ZNF273: variants seen among roughly 807,000 people sequenced by gnomAD.
ZNF273 encodes the protein zinc finger protein 273, also known as zinc finger protein 9.
Under a neutral mutation model 14.9 loss-of-function variants are expected in ZNF273, and 11 were observed. That is an observed-to-expected ratio of 0.74 (90% CI 0.46 to 1.22). The LOEUF is 1.22. ZNF273 is among the 50% of genes most tolerant of loss of function. ZNF273 has a pLI of 0.00. For synonymous variants in ZNF273, 199 were observed against 223.9 expected (o/e 0.89, Z 0.99); for missense variants, 577 against 660.6 (o/e 0.87, Z 1.39).
chr7:64,912,835 T>TTG (rs1793655143), intron 1 of ZNF273, among the ~76,000 whole-genome samples: 1 of 101,402 alleles, frequency 9.9e-6, no homozygotes, highest in Non-Finnish European at 2.2e-5. Context: ...AGTTTTTTTT[T>TTG]TTTTTTTTTT....
downstream of ZNF273, among the ~76,000 whole-genome samples, chr7:64,882,176 C>T (rs542411495): frequency 2.0e-5 from 3 of 152,290 alleles, no homozygotes; most frequent in South Asian, 2.1e-4. Flanking sequence ...ATCCATCACC[C>T]GGAGACCCCT....
At chr7:64,909,526 G>A (rs1188762014) in intron 1 of ZNF273, among the ~76,000 whole-genome samples, 2 of 152,126 alleles carry the variant, frequency 1.3e-5, no homozygotes, top group Non-Finnish European at 2.9e-5. Flanking sequence ...ACCGCGCCCA[G>A]CCATAATGTT....
At chr7:64,900,030 GA>G (rs1792596726), upstream of ZNF273, among the ~76,000 whole-genome samples, 2 of 152,192 alleles carry the variant, frequency 1.3e-5, no homozygotes, top group Admixed American at 6.5e-5. Flanking sequence ...AAAGTGCTGG[GA>G]TGAGCCACCA....
downstream of ZNF273, among the ~76,000 whole-genome samples, chr7:64,884,500 T>C (rs13223080): frequency 6.6e-6 from 1 of 151,910 alleles, no homozygotes; most frequent in Non-Finnish European, 1.5e-5. Context: ...CAGTTCCAGG[T>C]GTGAGACCTC....
chr7:64,935,690 T>G (rs1795053938), downstream of ZNF273, among the ~76,000 whole-genome samples: 1 of 152,080 alleles, frequency 6.6e-6, no homozygotes, highest in Non-Finnish European at 1.5e-5. Context: ...GCCCAGCTAA[T>G]TTTTACATTT....
chr7:64,928,796 G>A lies in ZNF273; in HGVS notation c.1468G>A (p.Glu490Lys), dbSNP rs747886666. The stretch of plus-strand genomic sequence containing the variant: ...TGGAGAGAAACCTTACAAATGCAAT[G>A]AATGTGGTAAAGCCTTTAACTGGTC... ...HTGEKPYKCN[E>K]CGKAFNWSST... is the part of the protein sequence containing the mutation. Residue 490 changes from glutamate (E) to lysine (K), a missense_variant, in exon 4 of 4, where the codon GAA becomes AAA. By Grantham distance (56) the Glu-to-Lys change is moderately conservative. This residue lies in a region of ZNF273 where 411 missense variants were observed against 440.4 expected (regional missense o/e 0.93). Coordinates refer to ENST00000476120, the MANE Select transcript of ZNF273 (RefSeq NM_021148.3). 6 of 1,613,470 alleles carry A rather than the reference G, an allele frequency of 3.7e-6. No homozygotes were observed. The highest frequency in any genetic ancestry group is 4.2e-6 in the Non-Finnish European group (5 of 1,179,894).
chr7:64,922,432 G>A lies in ZNF273; in HGVS notation c.325+4140G>A, dbSNP rs1794538469. Among the ~76,000 whole-genome samples the A allele has an allele frequency of 2.0e-5, 3 of 151,786 alleles. No homozygotes were observed. The South Asian group carries it at 6.2e-4, about 32-fold the overall frequency. ...CAACCTCTGCCTCCCAGGTTCAAGTGATTCTCCTTCCTCAGCCTCCTGAGT... is the reference window on the plus strand; with the variant it reads ...CAACCTCTGCCTCCCAGGTTCAAGTAATTCTCCTTCCTCAGCCTCCTGAGT... On this transcript the variant is annotated intron_variant, in intron 3 of 3. Coordinates refer to ENST00000476120, the MANE Select transcript of ZNF273 (RefSeq NM_021148.3).
rs1562959220 is a variant in ZNF273 at position 64,912,846 on chromosome 7, T to TTTTTTTTTTG, written c.103-4735_103-4734insTTTTTTTTTG. ...TTTTAGTTTTTTTTTTTTTTTTTTT[T>TTTTTTTTTTG]GAGATTGAGTTTCGCTCTGTCATCC... On this transcript the variant is annotated intron_variant, in intron 1 of 3. Coordinates refer to ENST00000476120, the MANE Select transcript of ZNF273 (RefSeq NM_021148.3). 1.4e-3 allele frequency among the ~76,000 whole-genome samples: 141 copies of TTTTTTTTTTG among 98,264 alleles called. 21 individuals carry two copies. Among genetic ancestry groups the TTTTTTTTTTG allele is most frequent in the Middle Eastern group, 6.3e-3 (1 of 158 alleles). The allele number at this position is 98,264 out of a possible 152,430, so 64.5% of individuals were successfully genotyped here. A position where few individuals can be genotyped will look rare whatever the true frequency, so the allele number is the denominator to read the frequency against.
At chr7:64,917,302 C>T (rs906983060) in intron 1 of ZNF273, among the ~76,000 whole-genome samples, 23 of 152,160 alleles carry the variant, frequency 1.5e-4, no homozygotes, top group African/African-American at 5.5e-4. Flanking sequence ...AAATATAGCA[C>T]TCACAAATGT....
downstream of ZNF273, among the ~76,000 whole-genome samples, chr7:64,891,047 GCCT>G (rs1455189759): frequency 6.6e-6 from 1 of 152,220 alleles, no homozygotes; most frequent in African/African-American, 2.4e-5. Flanking sequence ...TCAAAATAGA[GCCT>G]CCTCTTTCTG....
rs180950616 is a variant in ZNF273, at chr7:64,885,986, G to C, written n.274-2587G>C. ...ACCACTGAGCTCAGAAAAGACTGCA[G>C]GGGCCTTGGGCAGAAGCAGGGAGAC... On this transcript the variant is annotated intron_variant and non_coding_transcript_variant, in intron 1 of 1. Coordinates refer to the ZNF273 transcript ENST00000471926. 2.0e-5 allele frequency among the ~76,000 whole-genome samples: 3 copies of C among 150,432 alleles called. No individual in the cohort carries two copies. In the East Asian group the frequency reaches 5.8e-4, roughly 29 times the overall value.
intron 1 of ZNF273, among the ~76,000 whole-genome samples, chr7:64,904,013 T>C (rs1792915158): frequency 1.3e-5 from 2 of 152,248 alleles, no homozygotes; most frequent in African/African-American, 4.8e-5. Flanking sequence ...CAGAGGTTAA[T>C]TGGCAGTTTA....
Position 64,928,924 on chromosome 7 carries a change from T to G in ZNF273, c.1596T>G (p.His532Gln). ...ACCGGTCCTCAAACCTTACTCGACA[T>G]AAGAAAATTCATACTGGAGAGAAAC... ...AFNRSSNLTRHKKIHTGEKPY... is the reference protein window; with the variant it reads ...AFNRSSNLTRQKKIHTGEKPY... Residue 532 changes from histidine (H) to glutamine (Q), a missense_variant, in exon 4 of 4, where the codon CAT becomes CAG. His to Gln is a conservative substitution (Grantham distance 24). This residue lies in a region of ZNF273 where 411 missense variants were observed against 440.4 expected (regional missense o/e 0.93). Coordinates refer to ENST00000476120, the MANE Select transcript of ZNF273 (RefSeq NM_021148.3). The G allele has an allele frequency of 6.2e-7, 1 of 1,613,794 alleles. No homozygotes were observed. The highest frequency in any genetic ancestry group is 1.1e-5 in the South Asian group (1 of 91,058).
chr7:64,914,144 A>T (rs1218019461), intron 1 of ZNF273, among the ~76,000 whole-genome samples: 1 of 139,856 alleles, frequency 7.2e-6, no homozygotes, highest in African/African-American at 2.7e-5. Flanking sequence ...AGTAGCTGGG[A>T]TTACAGGCAT....
At chr7:64,923,503 G>A (rs1302381317) in intron 3 of ZNF273, 3 of 375,332 alleles carry the variant, frequency 8.0e-6, no homozygotes, top group South Asian at 2.0e-5. Context: ...CATCATGCCC[G>A]GCTAATTTTT....
chr7:64,914,597 C>G (rs1793820561), intron 1 of ZNF273, among the ~76,000 whole-genome samples: 1 of 152,148 alleles, frequency 6.6e-6, no homozygotes, highest in Non-Finnish European at 1.5e-5. Context: ...CAGGACAGTA[C>G]AGCCCATATT....
At chr7:64,890,221 T>TGTGTGTGTGTGTGTGTGTGTGAGAGAGA, downstream of ZNF273, 6 of 64,102 alleles carry the variant, frequency 9.4e-5, no homozygotes, top group African/African-American at 1.9e-4. Flanking sequence ...TGTGTGTGTG[T>TGTGTGTGTGTGTGTGTGTGTGAGAGAGA]GAGAGAGAGA....
chr7:64,923,933 T>TTA (rs1192511972), intron 3 of ZNF273: 1 of 152,528 alleles, frequency 6.6e-6, no homozygotes, highest in East Asian at 1.9e-4. Context: ...TTTTGAAGAT[T>TTA]GTTAGGTACT....
chr7:64,912,040 ACT>A (rs1793551899), intron 1 of ZNF273, among the ~76,000 whole-genome samples: 1 of 152,144 alleles, frequency 6.6e-6, no homozygotes, highest in African/African-American at 2.4e-5. Context: ...CTCACCGTAA[ACT>A]CTGCCTTCTG....
Sources: allele counts gnomAD v4.1 joint callset (sites outside exome capture counted in the v4.1 genomes callset), GRCh38; gene constraint gnomAD v4.1.1; regional missense constraint gnomAD v4.1.1; transcripts MANE v1.5; gene names NCBI Gene and HGNC (gene_info 2026-07-23, HGNC 2026-07-21).